NAALADL2: variants seen among roughly 807,000 people sequenced by gnomAD.
The protein encoded by NAALADL2 is inactive N-acetylated-alpha-linked acidic dipeptidase-like protein 2.
NAALADL2 carries 76 observed loss-of-function variants against 87.2 expected under a neutral mutation model. The ratio of observed to expected loss-of-function variants is 0.87; its 90% CI spans 0.72 to 1.05. The LOEUF (loss-of-function observed/expected upper bound fraction) is 1.05. Ranked by LOEUF, NAALADL2 falls within the 50% of genes least tolerant of loss-of-function variation. The probability of loss-of-function intolerance (pLI) is 0.00; values close to 1 mark genes in which losing one functional copy is unlikely to be tolerated. For synonymous variants in NAALADL2, 354 were observed against 331.0 expected (o/e 1.07, Z -0.75); for missense variants, 1,089 against 945.8 (o/e 1.15, Z -1.99).
intron 1 of NAALADL2, among the ~76,000 whole-genome samples, chr3:174,898,562 C>T (rs1037256294): frequency 1.7e-4 from 26 of 151,948 alleles, no homozygotes; most frequent in Middle Eastern, 3.2e-3. Context: ...TGCTATTCTC[C>T]ATGATGTACT....
intron 9 of NAALADL2, among the ~76,000 whole-genome samples, chr3:175,500,319 T>C (rs1196089161): frequency 6.6e-6 from 1 of 152,048 alleles, no homozygotes; most frequent in African/African-American, 2.4e-5. Flanking sequence ...TTACCTCAAG[T>C]AAGGTATTGA....
At chr3:175,762,286 C>T (rs1357148340) in intron 13 of NAALADL2, among the ~76,000 whole-genome samples, 1 of 133,924 alleles carries the variant, frequency 7.5e-6, no homozygotes, top group African/African-American at 2.8e-5. Flanking sequence ...ATTTGTCATA[C>T]GATATAGTTT....
intron 1 of NAALADL2, among the ~76,000 whole-genome samples, chr3:174,525,102 C>G (rs1363989657): frequency 1.3e-5 from 2 of 152,134 alleles, no homozygotes; most frequent in African/African-American, 4.8e-5. Flanking sequence ...CTTGTTTGCA[C>G]AAAGACAAAA....
At position 174,688,906 on chromosome 3, in the gene NAALADL2, G is replaced by C. The variant is rs545052138; in HGVS notation, c.-114-48735G>C. Among the ~76,000 whole-genome samples the C allele has an allele frequency of 2.0e-5, 3 of 151,922 alleles. No homozygotes were observed. The South Asian group carries it at 6.2e-4, about 32-fold the overall frequency. ...TTGTGGGGCCAAAAAATTAATTTTG[G>C]AGTTTGAATATAACACTTAGTAGCT... is the stretch of plus-strand genomic sequence containing the variant. On this transcript the variant is annotated intron_variant, in intron 2 of 3. Coordinates refer to the NAALADL2 transcript ENST00000434257.
At chr3:174,493,898 G>A (rs1718361857) in intron 1 of NAALADL2, among the ~76,000 whole-genome samples, 1 of 152,172 alleles carries the variant, frequency 6.6e-6, no homozygotes, top group Non-Finnish European at 1.5e-5. Context: ...TTAAAATATT[G>A]TTTGAAAAGT....
intron 1 of NAALADL2, among the ~76,000 whole-genome samples, chr3:174,467,323 G>A (rs377153472): frequency 1.5e-4 from 23 of 152,232 alleles, no homozygotes; most frequent in African/African-American, 4.1e-4. Context: ...GGCCGGGTGT[G>A]GTGGCTCACG....
chr3:175,630,667 G>A (rs1211666618), intron 11 of NAALADL2, among the ~76,000 whole-genome samples: 1 of 151,572 alleles, frequency 6.6e-6, no homozygotes, highest in Non-Finnish European at 1.5e-5. Flanking sequence ...AAGAGTTGAG[G>A]CCTTTAGAAT....
At chr3:175,575,924 A>T (rs1718802110) in intron 9 of NAALADL2, 117 bp from the exon 10 acceptor site, 1 of 815,440 alleles carries the variant, frequency 1.2e-6, no homozygotes, top group African/African-American at 1.7e-5. Flanking sequence ...TGCATTTTTA[A>T]CAGTCTCCAG....
chr3:175,557,103 G>C (rs1715403825), intron 9 of NAALADL2, among the ~76,000 whole-genome samples: 1 of 152,228 alleles, frequency 6.6e-6, no homozygotes, highest in South Asian at 2.1e-4. Flanking sequence ...TCTAAGACTA[G>C]AGAGCAAAGA....
rs114740111 is a variant in NAALADL2, at chr3:175,065,954, T to G, written c.44-30836T>G. Among the ~76,000 whole-genome samples the G allele has an allele frequency of 4.0e-3, 607 of 152,306 alleles. 8 individuals are homozygous for G. The highest frequency in any genetic ancestry group is 0.014 in the African/African-American group (582 of 41,578). On this transcript the variant is annotated intron_variant, in intron 1 of 13. Coordinates refer to ENST00000454872, the MANE Select transcript of NAALADL2 (RefSeq NM_207015.3). Reference sequence around the variant, plus strand: ...CCCTCTCACATAACGGTATTCGGTCTTAATGTTGCCATCAAGCTCCAGATA... The same window carrying G: ...CCCTCTCACATAACGGTATTCGGTCGTAATGTTGCCATCAAGCTCCAGATA...
intron 1 of NAALADL2, among the ~76,000 whole-genome samples, chr3:174,457,411 G>C (rs1715914412): frequency 6.6e-6 from 1 of 152,146 alleles, no homozygotes. Flanking sequence ...TGTGTCAATT[G>C]CAGCAGTGTT....
intron 3 of NAALADL2, among the ~76,000 whole-genome samples, chr3:174,835,185 G>A (rs941088744): frequency 5.3e-5 from 8 of 151,886 alleles, no homozygotes; most frequent in Non-Finnish European, 1.2e-4. Context: ...ATAACTAGGG[G>A]AAACAATAGT....
intron 1 of NAALADL2, among the ~76,000 whole-genome samples, chr3:174,991,656 T>C (rs982726567): frequency 6.6e-6 from 1 of 152,044 alleles, no homozygotes; most frequent in Non-Finnish European, 1.5e-5. Flanking sequence ...AATATGCTTC[T>C]GTATGGAGAT....
intron 5 of NAALADL2, among the ~76,000 whole-genome samples, chr3:175,436,239 C>T (rs1254564848): frequency 4.2e-5 from 6 of 143,102 alleles, no homozygotes; most frequent in Non-Finnish European, 7.6e-5. Context: ...TTTTCTTAAT[C>T]CAGTCTATCA....
chr3:174,821,719 G>GT (rs1721443066), intron 3 of NAALADL2, among the ~76,000 whole-genome samples: 1 of 152,146 alleles, frequency 6.6e-6, no homozygotes, highest in African/African-American at 2.4e-5. Flanking sequence ...AGAGCCTTCT[G>GT]TGTTCAATCC....
intron 10 of NAALADL2, among the ~76,000 whole-genome samples, chr3:175,604,397 G>A (rs995852681): frequency 3.3e-5 from 5 of 149,456 alleles, no homozygotes; most frequent in African/African-American, 1.0e-4. Context: ...TCCGCCTCCC[G>A]GGTTCACACC....
chr3:175,259,258 A>C (rs1158401353), intron 4 of NAALADL2, among the ~76,000 whole-genome samples: 7 of 152,196 alleles, frequency 4.6e-5, no homozygotes, highest in Admixed American at 4.6e-4. Context: ...TGGGAAGGAA[A>C]TAACAGACCA....
intron 3 of NAALADL2, among the ~76,000 whole-genome samples, chr3:175,241,476 C>T (rs748245745): frequency 2.6e-5 from 4 of 152,162 alleles, no homozygotes; most frequent in African/African-American, 4.8e-5. Context: ...CCACCTCGGC[C>T]TCCCAAAGTG....
chr3:175,004,179 T>A (rs1022311405), intron 1 of NAALADL2, among the ~76,000 whole-genome samples: 27 of 151,896 alleles, frequency 1.8e-4, no homozygotes, highest in African/African-American at 6.5e-4. Flanking sequence ...TTTGAGAACA[T>A]CCTGGGAAAC....
Sources: gnomAD v4.1 joint callset for allele counts (sites outside exome capture counted in the v4.1 genomes callset) on GRCh38, gnomAD v4.1.1 for gene constraint, MANE v1.5 for transcripts, NCBI Gene and HGNC (gene_info 2026-07-23, HGNC 2026-07-21) for gene names.